The following PIWIL1 variants were observed in gnomAD, a reference collection of about 807,000 sequenced individuals.
PIWIL1 encodes the protein piwi like RNA-mediated gene silencing 1, also known as piwi-like protein 1.
In PIWIL1, 73 loss-of-function variants were observed where a neutral mutation model predicts 114.4. That is an observed-to-expected ratio of 0.64 (90% CI 0.53 to 0.78). PIWIL1 has a LOEUF of 0.78. Ranked by LOEUF, PIWIL1 falls within the 30% of genes least tolerant of loss-of-function variation. The pLI is 0.00. For missense variants in PIWIL1, 723 were observed against 1,063.1 expected (o/e 0.68, Z 4.45); for synonymous variants, 375 against 369.0 (o/e 1.02, Z -0.19).
At chr12:130,416,964 TA>T in the PIWIL1 span, among the ~76,000 whole-genome samples, 3,617 of 151,816 alleles carry the variant, frequency 0.024, 140 homozygotes, top group African/African-American at 0.082. Flanking sequence ...AAAATATATT[TA>T]AAAAATGTAT....
chr12:130,406,344 C>T, the PIWIL1 span: 10 of 743,974 alleles, frequency 1.3e-5, no homozygotes, highest in Non-Finnish European at 1.6e-5. Flanking sequence ...TTGAGAATTT[C>T]TGGTATTAAT....
At chr12:130,363,263 C>A in intron 18 of PIWIL1, 119 bp downstream of exon 18, 1 of 1,006,216 alleles carries the variant, frequency 9.9e-7, no homozygotes, top group Non-Finnish European at 1.5e-6. Context: ...ACTGTAGGGC[C>A]TTTGAGGTGA....
At chr12:130,376,981 G>T (rs2073871583), downstream of PIWIL1, among the ~76,000 whole-genome samples, 1 of 152,202 alleles carries the variant, frequency 6.6e-6, no homozygotes, top group South Asian at 2.1e-4. Context: ...GTTCCCGTGT[G>T]TTCCTTCAGG....
chr12:130,410,701 G>T, the PIWIL1 span, among the ~76,000 whole-genome samples: 1 of 152,132 alleles, frequency 6.6e-6, no homozygotes, highest in African/African-American at 2.4e-5. Context: ...ACTTCATTCT[G>T]CCCCATTAAT....
At position 130,367,261 on chromosome 12, in the gene PIWIL1, A is replaced by G. The variant is rs1344933358; in HGVS notation, c.2321+3A>G. ...GTAGAGGTTACCAGACCAGAATGGT[A>G]AGTTCCATGTGATGAGCTGAAGGTT... On this transcript the variant is annotated splice_donor_region_variant and intron_variant, in intron 19 of 20. Transcript: ENST00000245255. 1.2e-6 allele frequency: 2 copies of G among 1,611,066 alleles called. No homozygotes were observed. The highest frequency in any genetic ancestry group is 2.7e-5 in the African/African-American group (2 of 74,906).
chr12:130,407,814 C>A, the PIWIL1 span: 1 of 1,613,954 alleles, frequency 6.2e-7, no homozygotes, highest in Admixed American at 1.7e-5. Flanking sequence ...ACGCCTGCCA[C>A]TTCTCCTGCT....
intron 19 of PIWIL1, among the ~76,000 whole-genome samples, chr12:130,370,655 A>G (rs895009605): frequency 2.6e-5 from 4 of 152,152 alleles, no homozygotes; most frequent in African/African-American, 9.7e-5. Context: ...GTTCCCTTCC[A>G]CTTAAAGATT....
At chr12:130,390,619 C>A in the PIWIL1 span, among the ~76,000 whole-genome samples, 2 of 152,196 alleles carry the variant, frequency 1.3e-5, no homozygotes, top group Admixed American at 1.3e-4. Flanking sequence ...ACCAGTTATA[C>A]TCTTTTTGCT....
intron 6 of PIWIL1, among the ~76,000 whole-genome samples, chr12:130,347,623 T>C (rs1200224035): frequency 6.6e-6 from 1 of 152,216 alleles, no homozygotes; most frequent in Non-Finnish European, 1.5e-5. Context: ...CTGTCACTGA[T>C]GATAGGACAA....
Position 130,361,589 on chromosome 12 carries a change from A to G in PIWIL1, c.1958A>G (p.Glu653Gly). 1.2e-6 allele frequency: 2 copies of G among 1,614,006 alleles called. No homozygotes were observed. The change falls in exon 16 of 21, where the codon GAA becomes GGA. Residue 653 changes from glutamate (E) to glycine (G), a missense_variant. Physicochemically the swap from Glu to Gly is moderately conservative, Grantham distance 98. Transcript: ENST00000245255. ...GCAGGATTTGTTGCCAGCATCAATG[A>G]AGGGATGACCCGGTGAGTGAGACTG... ...SIAGFVASIN[E>G]GMTRWFSRCI...
Position 130,349,362 on chromosome 12 carries a change from T to A in PIWIL1, c.858T>A (p.Phe286Leu). The A allele has an allele frequency of 6.2e-7, 1 of 1,613,838 alleles. No homozygotes were observed. The highest frequency in any genetic ancestry group is 1.7e-5 in the Admixed American group (1 of 60,024). The change falls in exon 8 of 21, where the codon TTT becomes TTA. Residue 286 changes from phenylalanine to leucine, a missense_variant. Transcript: ENST00000245255. ...CTGTTTTGGATTTCATGTTCAACTTTTATCATCAGACAGAAGAACATAAAT... is the reference window on the plus strand; with the variant it reads ...CTGTTTTGGATTTCATGTTCAACTTATATCATCAGACAGAAGAACATAAAT... ...SETVLDFMFN[F>L]YHQTEEHKFQ...
downstream of PIWIL1, among the ~76,000 whole-genome samples, chr12:130,375,802 C>T (rs1054932316): frequency 2.6e-5 from 4 of 152,234 alleles, no homozygotes; most frequent in African/African-American, 9.6e-5. Flanking sequence ...TCCTCCCCAT[C>T]CTCTCTTGAA....
At chr12:130,382,442 C>T in the PIWIL1 span, among the ~76,000 whole-genome samples, 1 of 152,254 alleles carries the variant, frequency 6.6e-6, no homozygotes, top group Admixed American at 6.5e-5. Flanking sequence ...CTCTTCCTGA[C>T]CACCATGCTG....
chr12:130,406,887 T>C, the PIWIL1 span, among the ~76,000 whole-genome samples: 19 of 127,648 alleles, frequency 1.5e-4, no homozygotes, highest in Non-Finnish European at 2.6e-4. Flanking sequence ...TCTCAAGCAG[T>C]CTGCCCACCT....
rs1023158294 is a variant in PIWIL1 at position 130,355,040 on chromosome 12, T to A, written c.1289+35T>A. On this transcript the variant is annotated intron_variant, in intron 11 of 20. Coordinates refer to ENST00000245255, the MANE Select transcript of PIWIL1 (RefSeq NM_004764.5). ...TGATTTCACTGGGGCAGGGTTTCAG[T>A]TTTGTGTTTAGTATTTTATGTGGCT... 13 of 1,325,388 alleles carry A rather than the reference T, an allele frequency of 9.8e-6. No individual in the cohort carries two copies. In the Admixed American group the frequency reaches 2.2e-4, roughly 22 times the overall value. The allele number at this position is 1,325,388 out of a possible 1,614,324, so 82.1% of individuals were successfully genotyped here.
the PIWIL1 span, among the ~76,000 whole-genome samples, chr12:130,382,625 A>G: frequency 2.0e-5 from 3 of 152,222 alleles, no homozygotes; most frequent in African/African-American, 7.2e-5. Flanking sequence ...TAACTTTGTT[A>G]GGCTTTTCAG....
downstream of PIWIL1, among the ~76,000 whole-genome samples, chr12:130,377,378 G>T (rs550586933): frequency 6.6e-6 from 1 of 152,172 alleles, no homozygotes; most frequent in East Asian, 1.9e-4. Context: ...TGCACATGGC[G>T]GTCACCAGGG....
intron 3 of PIWIL1, among the ~76,000 whole-genome samples, chr12:130,344,239 CAG>C (rs1392674133): frequency 6.6e-6 from 1 of 152,134 alleles, no homozygotes. Context: ...TATGACCCTT[CAG>C]TGTCATCAGG....
intron 18 of PIWIL1, 88 bp downstream of exon 18, chr12:130,363,232 G>A: frequency 1.5e-6 from 2 of 1,337,826 alleles, no homozygotes; most frequent in Non-Finnish European, 2.1e-6. Context: ...AAAGGATGAG[G>A]GAGAACCTAA....
Sources: gnomAD v4.1 joint callset for allele counts (sites outside exome capture counted in the v4.1 genomes callset) on GRCh38, gnomAD v4.1.1 for gene constraint, MANE v1.5 for transcripts, NCBI Gene and HGNC (gene_info 2026-07-23, HGNC 2026-07-21) for gene names.